BMPR2: variants seen among roughly 807,000 people sequenced by gnomAD.
BMPR2 encodes the protein bone morphogenetic protein receptor type 2.
In BMPR2, 29 loss-of-function variants were observed where a neutral mutation model predicts 100.8. That is an observed-to-expected ratio of 0.29 (90% CI 0.21 to 0.39). The LOEUF is 0.39. Among genes scored for constraint, BMPR2 ranks in the 10% least tolerant of loss-of-function variants. The pLI, the probability that BMPR2 is intolerant of heterozygous loss-of-function variation, is 1.00. For missense variants in BMPR2, 1,011 were observed against 1,274.5 expected (o/e 0.79, Z 3.15); for synonymous variants, 382 against 442.3 (o/e 0.86, Z 1.71).
intron 1 of BMPR2, among the ~76,000 whole-genome samples, chr2:202,401,542 G>A (rs1690768999): frequency 6.6e-6 from 1 of 152,168 alleles, no homozygotes. Context: ...TTCATCTTCT[G>A]TATAGGTTGT....
intron 3 of BMPR2, among the ~76,000 whole-genome samples, chr2:202,508,133 C>G (rs1271831736): frequency 6.7e-6 from 1 of 150,358 alleles, no homozygotes; most frequent in African/African-American, 2.4e-5. Flanking sequence ...CAGTCTGTCA[C>G]CCAGGCTGGA....
chr2:202,510,982 G>A (rs1292414280), intron 3 of BMPR2, among the ~76,000 whole-genome samples: 1 of 132,002 alleles, frequency 7.6e-6, no homozygotes, highest in African/African-American at 2.8e-5. Flanking sequence ...CCTGGCTTTA[G>A]TTTTTTTTTT....
intron 2 of BMPR2, among the ~76,000 whole-genome samples, chr2:202,466,443 C>T (rs1385021942): frequency 1.3e-5 from 2 of 151,934 alleles, no homozygotes; most frequent in African/African-American, 2.4e-5. Context: ...CGCACCACCA[C>T]GCCCAGCTAA....
chr2:202,565,573 G>T lies in BMPR2; in HGVS notation c.*5627G>T, dbSNP rs548032308. 6.6e-6 allele frequency: 1 copy of T among 152,632 alleles called. No individual in the cohort carries two copies. Among genetic ancestry groups the T allele is most frequent in the East Asian group, 1.9e-4 (1 of 5,190 alleles). The allele number at this position is 152,632 out of a possible 1,614,324, so 9.5% of individuals were successfully genotyped here. A position where few individuals can be genotyped will look rare whatever the true frequency, so the allele number is the denominator to read the frequency against. ...TTATAACTAAAAAGCCATGCACACA[G>T]AATTGTATATCATTTTGCCATTAAA... On this transcript the variant is annotated 3_prime_UTR_variant, in exon 13 of 13. Coordinates refer to ENST00000374580, the MANE Select transcript of BMPR2 (RefSeq NM_001204.7).
Position 202,467,682 on chromosome 2 carries a change from A to G in BMPR2, c.411A>G (p.Thr137=), listed in dbSNP as rs369156981. 4 of 1,610,262 alleles carry G rather than the reference A, an allele frequency of 2.5e-6. No individual in the cohort carries two copies. In the African/African-American group the frequency reaches 4.0e-5, roughly 16 times the overall value. Reference sequence around the variant, plus strand: ...AGAATTTTCCACCTCCTGACACAACACCACTCAGTAAGTAAAGTAACCAAC... The same window carrying G: ...AGAATTTTCCACCTCCTGACACAACGCCACTCAGTAAGTAAAGTAACCAAC... ...FTENFPPPDT[T]PLSPPHSFNR... is the part of the protein sequence containing the mutation. Residue 137 remains threonine, a synonymous_variant, in exon 3 of 13, where the codon ACA becomes ACG. Transcript: ENST00000374580.
chr2:202,519,526 T>A (rs1687783390), intron 6 of BMPR2, among the ~76,000 whole-genome samples: 1 of 152,202 alleles, frequency 6.6e-6, no homozygotes, highest in South Asian at 2.1e-4. Flanking sequence ...CTAATTATAC[T>A]GTTTGTTTCG....
In BMPR2 at chr2:202,488,084, C is replaced by A. The variant is rs149170908; in HGVS notation, c.418+20395C>A. Reference sequence around the variant, plus strand: ...GTATTTATTCATGTATCCATTCATTCATTCAACAGGTATTGAATACACACT... The same window carrying A: ...GTATTTATTCATGTATCCATTCATTAATTCAACAGGTATTGAATACACACT... On this transcript the variant is annotated intron_variant, in intron 3 of 12. Coordinates refer to ENST00000374580, the MANE Select transcript of BMPR2 (RefSeq NM_001204.7). Among the ~76,000 whole-genome samples the A allele has an allele frequency of 2.5e-3, 384 of 152,310 alleles. 1 individual carries two copies. Among genetic ancestry groups the A allele is most frequent in the African/African-American group, 8.9e-3 (370 of 41,570 alleles).
chr2:202,421,342 T>C lies in BMPR2; in HGVS notation c.77-43467T>C, dbSNP rs543366299. ...AAAAAAAAAAAAGTTTAAAACCAGG[T>C]CAGGACCTATTTGCAGATGTACAGT... On this transcript the variant is annotated intron_variant, in intron 1 of 12. Coordinates refer to ENST00000374580, the MANE Select transcript of BMPR2 (RefSeq NM_001204.7). Among the ~76,000 whole-genome samples the C allele has an allele frequency of 1.2e-4, 18 of 148,228 alleles. No individual in the cohort carries two copies. The East Asian group carries it at 3.4e-3, about 28-fold the overall frequency.
chr2:202,384,510 G>GTTTCTTTC (rs752072798), intron 1 of BMPR2, among the ~76,000 whole-genome samples: 1 of 130,232 alleles, frequency 7.7e-6, no homozygotes, highest in Non-Finnish European at 1.7e-5. Context: ...AGAAATTTCA[G>GTTTCTTTC]TTTCTTTCTT....
At chr2:202,544,741 T>G (rs550760956) in intron 10 of BMPR2, among the ~76,000 whole-genome samples, 2 of 147,228 alleles carry the variant, frequency 1.4e-5, no homozygotes, top group Non-Finnish European at 3.0e-5. Context: ...TCAGAGGAAT[T>G]TTCTTTTTTC....
chr2:202,520,363 CAGAA>C, intron 7 of BMPR2, 162 bp downstream of exon 7: 2 of 665,518 alleles, frequency 3.0e-6, no homozygotes, highest in Non-Finnish European at 5.2e-6. Flanking sequence ...TGAAATGTAA[CAGAA>C]AGAGCTTTCC....
chr2:202,404,140 A>G (rs1227486954), intron 1 of BMPR2, among the ~76,000 whole-genome samples: 1 of 151,764 alleles, frequency 6.6e-6, no homozygotes, highest in Non-Finnish European at 1.5e-5. Flanking sequence ...TTAAGCCCTA[A>G]TAAAATGACT....
At chr2:202,393,894 A>AGAGC (rs1231613280) in intron 1 of BMPR2, among the ~76,000 whole-genome samples, 1 of 96,874 alleles carries the variant, frequency 1.0e-5, no homozygotes. Context: ...AGAGAGAGAG[A>AGAGC]GAGAGAGAGA....
At chr2:202,512,969 T>A (rs1382206221) in intron 3 of BMPR2, among the ~76,000 whole-genome samples, 2 of 151,880 alleles carry the variant, frequency 1.3e-5, no homozygotes, top group Non-Finnish European at 2.9e-5. Context: ...TTTAATTTTT[T>A]TTTTTTTTTT....
At chr2:202,520,283 A>ACTTTG in intron 7 of BMPR2, 82 bp downstream of exon 7, 1 of 912,792 alleles carries the variant, frequency 1.1e-6, no homozygotes, top group Non-Finnish European at 1.8e-6. Flanking sequence ...CTTCAAAGTA[A>ACTTTG]AAGTATAATT....
At chr2:202,416,718 C>T (rs1469703661) in intron 1 of BMPR2, among the ~76,000 whole-genome samples, 1 of 152,022 alleles carries the variant, frequency 6.6e-6, no homozygotes, top group East Asian at 1.9e-4. Context: ...GCCACTGTGC[C>T]CTGTTTAAAA....
chr2:202,500,301 TC>T (rs1687355673), intron 3 of BMPR2, among the ~76,000 whole-genome samples: 1 of 152,330 alleles, frequency 6.6e-6, no homozygotes, highest in African/African-American at 2.4e-5. Flanking sequence ...TCCCACCTCC[TC>T]AGTTGTAATT....
intron 10 of BMPR2, among the ~76,000 whole-genome samples, chr2:202,549,560 C>A (rs1218237611): frequency 6.6e-6 from 1 of 152,084 alleles, no homozygotes; most frequent in Non-Finnish European, 1.5e-5. Context: ...ACCAGCCTGG[C>A]CAACATGGTG....
chr2:202,393,119 G>A (rs1355140069), intron 1 of BMPR2, among the ~76,000 whole-genome samples: 2 of 152,028 alleles, frequency 1.3e-5, no homozygotes, highest in African/African-American at 4.8e-5. Context: ...TTAGAACCTA[G>A]TCTCTGCAGT....
Sources: allele counts gnomAD v4.1 joint callset (sites outside exome capture counted in the v4.1 genomes callset), GRCh38; gene constraint gnomAD v4.1.1; transcripts MANE v1.5; gene names NCBI Gene and HGNC (gene_info 2026-07-23, HGNC 2026-07-21).